NT5C3A: variants seen among roughly 807,000 people sequenced by gnomAD.
NT5C3A encodes the protein cytosolic 5'-nucleotidase 3A.
NT5C3A carries 23 observed loss-of-function variants against 40.0 expected under a neutral mutation model. The observed-to-expected ratio is 0.58, with a 90% CI of 0.41 to 0.81. NT5C3A has a LOEUF of 0.81. Among genes scored for constraint, NT5C3A ranks in the 40% least tolerant of loss-of-function variants. The pLI is 0.00. For missense variants in NT5C3A, 328 were observed against 403.0 expected, an observed-to-expected ratio of 0.81 and a Z score of 1.59; for synonymous variants, 130 against 141.4, an observed-to-expected ratio of 0.92 and a Z score of 0.57.
chr7:33,039,555 G>GTTTTTTTTTTT lies in NT5C3A; in HGVS notation c.139-12641_139-12640insAAAAAAAAAAA, dbSNP rs776873396. On this transcript the variant is annotated intron_variant, in intron 1 of 8. Transcript: ENST00000610140. Reference sequence around the variant, plus strand: ...TACTATTTGACTTTCTTAAGCTTGGGTTTTTTGTTTTTTTTTTTTTTTAAT... The same window carrying GTTTTTTTTTTT: ...TACTATTTGACTTTCTTAAGCTTGGGTTTTTTTTTTTTTTTTTGTTTTTTTTTTTTTTTAAT... Among the ~76,000 whole-genome samples the GTTTTTTTTTTT allele has an allele frequency of 3.6e-4, 25 of 70,026 alleles. 4 individuals are homozygous for GTTTTTTTTTTT. The highest frequency in any genetic ancestry group is 1.0e-3 in the South Asian group (2 of 1,986). The allele number at this position is 70,026 out of a possible 152,430, so 45.9% of individuals were successfully genotyped here. A position where few individuals can be genotyped will look rare whatever the true frequency, so the allele number is the denominator to read the frequency against.
intron 1 of NT5C3A, among the ~76,000 whole-genome samples, chr7:33,047,996 A>ATGTGTG (rs10582277): frequency 5.9e-4 from 89 of 150,552 alleles, no homozygotes; most frequent in African/African-American, 1.9e-3. Context: ...TTATATGTGT[A>ATGTGTG]TGTGTGTGTG....
intron 1 of NT5C3A, among the ~76,000 whole-genome samples, chr7:33,058,195 G>C (rs1228296049): frequency 6.6e-6 from 1 of 151,980 alleles, no homozygotes; most frequent in African/African-American, 2.4e-5. Context: ...TCATTTAGTA[G>C]GAAAAATCAG....
At chr7:33,033,255 C>T (rs1786383207) in intron 1 of NT5C3A, among the ~76,000 whole-genome samples, 1 of 152,180 alleles carries the variant, frequency 6.6e-6, no homozygotes, top group African/African-American at 2.4e-5. Context: ...GAGTTTTTAT[C>T]CAGCTACACA....
intron 1 of NT5C3A, among the ~76,000 whole-genome samples, chr7:33,056,543 A>G (rs1033054686): frequency 3.5e-5 from 5 of 144,674 alleles, no homozygotes; most frequent in Non-Finnish European, 7.5e-5. Flanking sequence ...GTGGCGCCAC[A>G]TGCCTGTAGT....
At chr7:33,036,211 C>T in intron 1 of NT5C3A, 1 of 544,812 alleles carries the variant, frequency 1.8e-6, no homozygotes, top group South Asian at 2.1e-5. Context: ...AGGAAGATCA[C>T]TTAGTCCAAC....
chr7:33,038,708 A>G (rs1051820662), intron 1 of NT5C3A: 5 of 366,966 alleles, frequency 1.4e-5, no homozygotes, highest in East Asian at 1.5e-4. Flanking sequence ...TCAGGTGTAA[A>G]ATGTCAGCAT....
In NT5C3A at chr7:33,057,749, T is replaced by C. The variant is rs551646824; in HGVS notation, c.138+4819A>G. On this transcript the variant is annotated intron_variant, in intron 1 of 8. Transcript: ENST00000610140. ...CCCACATCAGCTACTTAAGTAATAG[T>C]TGACGTTAACAACAAAGCAATAAAT... is the stretch of plus-strand genomic sequence containing the variant. 3.1e-4 allele frequency among the ~76,000 whole-genome samples: 47 copies of C among 152,326 alleles called. No individual in the cohort carries two copies. In the Middle Eastern group the frequency reaches 0.01, roughly 33 times the overall value.
intron 2 of NT5C3A, among the ~76,000 whole-genome samples, chr7:33,025,951 C>T (rs532012906): frequency 2.0e-5 from 3 of 152,214 alleles, no homozygotes; most frequent in East Asian, 1.9e-4. Flanking sequence ...TTTGGGAGGC[C>T]GAGGTGGATG....
intron 1 of NT5C3A, among the ~76,000 whole-genome samples, chr7:33,036,795 A>T (rs1164873323): frequency 6.6e-6 from 1 of 151,822 alleles, no homozygotes; most frequent in East Asian, 1.9e-4. Context: ...TTAAAATTTT[A>T]TTTTTATTTT....
In NT5C3A at chr7:33,021,302, A is replaced by C; in HGVS notation, c.410T>G (p.Val137Gly). ...CACCATATAAGGGTACTTCTCTTCT[A>C]CAGTAAGAACAGGATCAACTTCAAT... ...YAIEVDPVLT[V>G]EEKYPYMVEW... Residue 137 changes from valine (V) to glycine (G), a missense_variant, in exon 5 of 9, where the codon GTA becomes GGA. Physicochemically the swap from Val to Gly is moderately radical, Grantham distance 109. Transcript: ENST00000610140. 6.2e-7 allele frequency: 1 copy of C among 1,612,444 alleles called. No individual in the cohort carries two copies.
intron 1 of NT5C3A, 180 bp from the exon 2 acceptor site, chr7:33,027,095 G>A (rs1785984878): frequency 1.9e-6 from 1 of 517,182 alleles, no homozygotes; most frequent in Admixed American, 3.2e-5. Flanking sequence ...TTAGAGATGA[G>A]GTCTTGTTTT....
At chr7:33,036,966 C>G (rs1216726665) in intron 1 of NT5C3A, among the ~76,000 whole-genome samples, 1 of 152,084 alleles carries the variant, frequency 6.6e-6, no homozygotes, top group Non-Finnish European at 1.5e-5. Flanking sequence ...CGCATGCCGC[C>G]ACGCCTGGTT....
At chr7:33,059,296 T>C (rs1436080337) in intron 1 of NT5C3A, among the ~76,000 whole-genome samples, 3 of 152,234 alleles carry the variant, frequency 2.0e-5, no homozygotes, top group African/African-American at 7.2e-5. Context: ...GGCACTTTTC[T>C]AAGCACTTTA....
chr7:33,027,007 A>C (rs1785982141), intron 1 of NT5C3A, 92 bp from the exon 2 acceptor site: 1 of 779,046 alleles, frequency 1.3e-6, no homozygotes, highest in East Asian at 2.7e-5. Flanking sequence ...ATTTAAAGAC[A>C]TAAAAATATT....
intron 1 of NT5C3A, among the ~76,000 whole-genome samples, chr7:33,034,364 A>G (rs1180391110): frequency 6.6e-6 from 1 of 152,198 alleles, no homozygotes; most frequent in Non-Finnish European, 1.5e-5. Context: ...CTAGGACCCA[A>G]GTAACAACAT....
intron 1 of NT5C3A, among the ~76,000 whole-genome samples, chr7:33,050,520 C>A (rs953871517): frequency 2.0e-5 from 3 of 152,154 alleles, no homozygotes; most frequent in Admixed American, 1.3e-4. Flanking sequence ...GTCTGCCTAA[C>A]TAATGATATC....
At chr7:33,036,782 A>C (rs963111943) in intron 1 of NT5C3A, among the ~76,000 whole-genome samples, 6 of 152,058 alleles carry the variant, frequency 3.9e-5, no homozygotes, top group Admixed American at 3.3e-4. Context: ...CAATTTTCTT[A>C]CATTAAAATT....
At chr7:33,030,943 C>G (rs992025153) in intron 1 of NT5C3A, among the ~76,000 whole-genome samples, 1 of 151,452 alleles carries the variant, frequency 6.6e-6, no homozygotes, top group Non-Finnish European at 1.5e-5. Context: ...ACTAAAAATA[C>G]AAAAAATTAG....
At chr7:33,018,277 G>A (rs1785447156) in intron 6 of NT5C3A, among the ~76,000 whole-genome samples, 1 of 152,194 alleles carries the variant, frequency 6.6e-6, no homozygotes, top group Admixed American at 6.5e-5. Context: ...GAAAAGCAGA[G>A]TGGCAGGAAC....
Sources: gnomAD v4.1 joint callset for allele counts (sites outside exome capture counted in the v4.1 genomes callset) on GRCh38, gnomAD v4.1.1 for gene constraint, MANE v1.5 for transcripts, NCBI Gene and HGNC (gene_info 2026-07-23, HGNC 2026-07-21) for gene names.